The following CRACD variants were observed in gnomAD, a reference collection of about 807,000 sequenced individuals.
The protein encoded by CRACD is capping protein-inhibiting regulator of actin dynamics.
CRACD carries 56 observed loss-of-function variants against 106.8 expected under a neutral mutation model. The ratio of observed to expected loss-of-function variants is 0.52; its 90% CI spans 0.42 to 0.66. CRACD has a LOEUF of 0.66. CRACD is among the 30% of genes least tolerant of loss of function. The probability of loss-of-function intolerance (pLI) is 0.00; values close to 1 mark genes in which losing one functional copy is unlikely to be tolerated. For synonymous variants in CRACD, 754 were observed against 670.8 expected (o/e 1.12, Z -1.92); for missense variants, 1,730 against 1,623.2 (o/e 1.07, Z -1.13).
At chr4:56,218,379 TG>T (rs1738830422) in intron 2 of CRACD, among the ~76,000 whole-genome samples, 1 of 152,106 alleles carries the variant, frequency 6.6e-6, no homozygotes, top group East Asian at 1.9e-4. Flanking sequence ...CCTCAAGTGC[TG>T]GGATTACAGG....
intron 3 of CRACD, among the ~76,000 whole-genome samples, chr4:56,276,080 C>G (rs1742655985): frequency 2.6e-5 from 4 of 152,234 alleles, no homozygotes; most frequent in African/African-American, 7.2e-5. Flanking sequence ...GCATTCTTTT[C>G]TTTCTCTAGG....
chr4:56,319,611 G>T (rs1372861312), intron 8 of CRACD, among the ~76,000 whole-genome samples: 1 of 148,334 alleles, frequency 6.7e-6, no homozygotes, highest in Non-Finnish European at 1.5e-5. Context: ...CTCAAAAAAA[G>T]GAAAAAAAAA....
chr4:56,136,499 C>T (rs1052239846), intron 1 of CRACD, among the ~76,000 whole-genome samples: 1 of 152,102 alleles, frequency 6.6e-6, no homozygotes, highest in Non-Finnish European at 1.5e-5. Context: ...TTTGCATTTG[C>T]CTAATGGCTA....
intron 1 of CRACD, among the ~76,000 whole-genome samples, chr4:56,161,779 T>TG (rs1735966613): frequency 6.7e-6 from 1 of 148,316 alleles, no homozygotes; most frequent in African/African-American, 2.5e-5. Flanking sequence ...TTTTTTTTTT[T>TG]TTGAGATGGA....
At chr4:56,288,338 AC>A in intron 3 of CRACD, 1 of 306,758 alleles carries the variant, frequency 3.3e-6, no homozygotes, top group Non-Finnish European at 6.5e-6. Context: ...TAATCCAGTC[AC>A]CCAGATAGTG....
chr4:56,063,646 T>C (rs1732359084), intron 1 of CRACD, among the ~76,000 whole-genome samples: 2 of 152,178 alleles, frequency 1.3e-5, no homozygotes, highest in Admixed American at 1.3e-4. Flanking sequence ...CGTAGAATGT[T>C]TGGCCTTTTG....
intron 2 of CRACD, among the ~76,000 whole-genome samples, chr4:56,241,999 A>AT (rs1560498631): frequency 6.6e-6 from 1 of 152,312 alleles, no homozygotes; most frequent in South Asian, 2.1e-4. Flanking sequence ...ATTGTTAAAA[A>AT]TTTTTTATAT....
At chr4:56,050,500 C>T (rs148531300) in intron 1 of CRACD, among the ~76,000 whole-genome samples, 2 of 152,062 alleles carry the variant, frequency 1.3e-5, no homozygotes, top group Non-Finnish European at 2.9e-5. Flanking sequence ...AAAAATGGCT[C>T]ACAGTTCTTT....
chr4:56,073,294 C>T (rs180726844), intron 1 of CRACD, among the ~76,000 whole-genome samples: 2 of 152,314 alleles, frequency 1.3e-5, no homozygotes, highest in African/African-American at 4.8e-5. Flanking sequence ...TAATGGTCAC[C>T]ATTCTAACTG....
intron 2 of CRACD, among the ~76,000 whole-genome samples, chr4:56,250,257 A>G (rs1740973533): frequency 6.6e-6 from 1 of 152,096 alleles, no homozygotes; most frequent in Non-Finnish European, 1.5e-5. Context: ...ATACCCATTC[A>G]TTAATTTTAA....
chr4:56,203,027 T>C (rs2109477182), intron 2 of CRACD, among the ~76,000 whole-genome samples: 1 of 152,290 alleles, frequency 6.6e-6, no homozygotes, highest in Non-Finnish European at 1.5e-5. Context: ...GAATGATTCT[T>C]ATAGAAAAAT....
chr4:56,259,486 G>A (rs536909070), intron 2 of CRACD, among the ~76,000 whole-genome samples: 4 of 152,246 alleles, frequency 2.6e-5, no homozygotes, highest in Non-Finnish European at 5.9e-5. Context: ...AAAGCACTAA[G>A]TAGGAGGTGG....
intron 2 of CRACD, among the ~76,000 whole-genome samples, chr4:56,245,122 T>A (rs1740611929): frequency 6.6e-6 from 1 of 152,266 alleles, no homozygotes; most frequent in Non-Finnish European, 1.5e-5. Flanking sequence ...GTTAATTCCA[T>A]CCTTGAAATA....
At chr4:56,307,397 C>T in intron 4 of CRACD, 138 bp from the exon 5 acceptor site, 2 of 663,040 alleles carry the variant, frequency 3.0e-6, no homozygotes, top group African/African-American at 1.8e-5. Context: ...ATCATGGTTT[C>T]CTGGCATGGT....
In CRACD at chr4:56,329,186, A is replaced by G. The variant is rs1008199770; in HGVS notation, c.*1382A>G. Among the ~76,000 whole-genome samples the G allele has an allele frequency of 6.6e-6, 1 of 152,244 alleles. No homozygotes were observed. Among genetic ancestry groups the G allele is most frequent in the Non-Finnish European group, 1.5e-5 (1 of 68,046 alleles). ...CCCTAAATTTACATGAAACAGACAT[A>G]CTGGCAAACTCACATATTGCTGGTG... On this transcript the variant is annotated 3_prime_UTR_variant, in exon 11 of 11. Coordinates refer to ENST00000682029, the MANE Select transcript of CRACD (RefSeq NM_001393381.1).
chr4:56,106,155 G>A (rs1314684065), intron 1 of CRACD, among the ~76,000 whole-genome samples: 1 of 141,532 alleles, frequency 7.1e-6, no homozygotes, highest in Non-Finnish European at 1.5e-5. Flanking sequence ...TCAGGGGCCT[G>A]GATGAGGCAA....
chr4:56,296,816 TAA>T, intron 3 of CRACD, among the ~76,000 whole-genome samples: 1 of 152,324 alleles, frequency 6.6e-6, no homozygotes, highest in Non-Finnish European at 1.5e-5. Flanking sequence ...TTCCCAGAGA[TAA>T]GTTAGTTTCC....
At chr4:56,113,584 A>C (rs1223940543) in intron 1 of CRACD, among the ~76,000 whole-genome samples, 1 of 152,130 alleles carries the variant, frequency 6.6e-6, no homozygotes. Context: ...AGCTAAGACG[A>C]TTGAGCAAAA....
At chr4:56,169,942 C>T (rs1461678843) in intron 1 of CRACD, among the ~76,000 whole-genome samples, 1 of 152,102 alleles carries the variant, frequency 6.6e-6, no homozygotes, top group Non-Finnish European at 1.5e-5. Flanking sequence ...TTCAAACAAC[C>T]AGCAGGGGTA....
Sources: allele counts gnomAD v4.1 joint callset (sites outside exome capture counted in the v4.1 genomes callset), GRCh38; gene constraint gnomAD v4.1.1; transcripts MANE v1.5; gene names NCBI Gene and HGNC (gene_info 2026-07-23, HGNC 2026-07-21).